The following TMEM71 variants were observed in gnomAD, a reference collection of about 807,000 sequenced individuals.
TMEM71 encodes transmembrane protein 71.
TMEM71 carries 44 observed loss-of-function variants against 38.0 expected under a neutral mutation model. That is an observed-to-expected ratio of 1.16 (90% CI 0.91 to 1.49). The LOEUF (loss-of-function observed/expected upper bound fraction) is 1.49. Among genes scored for constraint, TMEM71 ranks in the 40% most tolerant of loss-of-function variants. The probability of loss-of-function intolerance (pLI) is 0.00; values close to 1 mark genes in which losing one functional copy is unlikely to be tolerated. For synonymous variants in TMEM71, 133 were observed against 122.5 expected, an observed-to-expected ratio of 1.09 and a Z score of -0.56; for missense variants, 367 against 348.6, an observed-to-expected ratio of 1.05 and a Z score of -0.42.
chr8:132,734,723 A>T (rs1385209920), intron 5 of TMEM71, among the ~76,000 whole-genome samples: 1 of 152,256 alleles, frequency 6.6e-6, no homozygotes, highest in Non-Finnish European at 1.5e-5. Flanking sequence ...CCTAATTGAC[A>T]GTGAATTTTC....
intron 7 of TMEM71, among the ~76,000 whole-genome samples, chr8:132,717,240 G>A (rs1250970549): frequency 6.6e-6 from 1 of 152,076 alleles, no homozygotes; most frequent in African/African-American, 2.4e-5. Flanking sequence ...TAGAGAAGTT[G>A]GGCTACATCA....
At chr8:132,769,531 G>A in the TMEM71 span, among the ~76,000 whole-genome samples, 6 of 152,140 alleles carry the variant, frequency 3.9e-5, no homozygotes, top group Admixed American at 3.3e-4. Flanking sequence ...TTAATATACT[G>A]AAGCCCTAAT....
intron 7 of TMEM71, among the ~76,000 whole-genome samples, chr8:132,718,190 T>C (rs1252470379): frequency 6.6e-6 from 1 of 152,212 alleles, no homozygotes; most frequent in South Asian, 2.1e-4. Flanking sequence ...TTTGTAAATA[T>C]ACTAAAACCA....
chr8:132,763,600 C>T (rs1044114132), upstream of TMEM71, among the ~76,000 whole-genome samples: 14 of 152,172 alleles, frequency 9.2e-5, no homozygotes, highest in African/African-American at 3.1e-4. Flanking sequence ...ACTATAGAAT[C>T]TTTTAAATGA....
In TMEM71 at chr8:132,721,736, A is replaced by G. The variant is rs1309590324; in HGVS notation, c.752+304T>C. Among the ~76,000 whole-genome samples, 3 of 151,254 alleles carry G rather than the reference A, an allele frequency of 2.0e-5. No homozygotes were observed. In the East Asian group the frequency reaches 5.8e-4, roughly 29 times the overall value. On this transcript the variant is annotated intron_variant, in intron 7 of 9. Transcript: ENST00000677595. ...TAATTTCATACTTTTAATTTTCACC[A>G]TGTTGGTCAGGCTGGTCTCGAACTG... is the stretch of plus-strand genomic sequence containing the variant.
chr8:132,734,703 A>T (rs1827649486), intron 5 of TMEM71, among the ~76,000 whole-genome samples: 1 of 152,154 alleles, frequency 6.6e-6, no homozygotes, highest in South Asian at 2.1e-4. Flanking sequence ...TTTAACCCAA[A>T]CTCACTTTCC....
At chr8:132,737,176 C>T (rs1382124868) in intron 5 of TMEM71, among the ~76,000 whole-genome samples, 4 of 152,076 alleles carry the variant, frequency 2.6e-5, no homozygotes, top group Non-Finnish European at 5.9e-5. Context: ...GGAAAGCAGT[C>T]GTGATTGCAT....
chr8:132,726,558 T>C (rs1827152791), intron 6 of TMEM71, among the ~76,000 whole-genome samples: 1 of 152,176 alleles, frequency 6.6e-6, no homozygotes, highest in African/African-American at 2.4e-5. Flanking sequence ...GAGATAAAAA[T>C]GAAGTTTGAG....
chr8:132,710,933 G>A lies in TMEM71; in HGVS notation c.*34C>T. 2 of 1,600,080 alleles carry A rather than the reference G, an allele frequency of 1.2e-6. No individual in the cohort carries two copies. The highest frequency in any genetic ancestry group is 1.7e-6 in the Non-Finnish European group (2 of 1,168,630). ...TGGACAATTTCCAGATATTCAGATG[G>A]AGGACATTCATCGAAGGCATTCCTA... On this transcript the variant is annotated 3_prime_UTR_variant, in exon 10 of 10. Coordinates refer to ENST00000677595, the MANE Select transcript of TMEM71 (RefSeq NM_001382403.1).
intron 3 of TMEM71, among the ~76,000 whole-genome samples, chr8:132,754,047 T>A (rs1351806264): frequency 6.6e-6 from 1 of 152,216 alleles, no homozygotes; most frequent in Non-Finnish European, 1.5e-5. Flanking sequence ...TATCATAGTT[T>A]GATGGCTTTT....
chr8:132,727,654 C>T (rs982854428), intron 6 of TMEM71, 144 bp downstream of exon 6: 1 of 642,792 alleles, frequency 1.6e-6, no homozygotes, highest in East Asian at 2.9e-5. Context: ...GTCACCTGGG[C>T]TTTGGCAGAG....
intron 5 of TMEM71, among the ~76,000 whole-genome samples, chr8:132,729,621 G>A (rs1238420650): frequency 6.6e-6 from 1 of 152,170 alleles, no homozygotes; most frequent in African/African-American, 2.4e-5. Flanking sequence ...ATTCCCAAAG[G>A]CCAAGCCAGG....
rs533676596 is a variant in TMEM71 at position 132,758,873 on chromosome 8, G to A, written c.7C>T (p.Arg3Ter). The A allele has an allele frequency of 2.8e-4, 459 of 1,613,452 alleles. 5 individuals carry two copies. In the South Asian group the frequency reaches 4.6e-3, roughly 16 times the overall value. MY[R>*]ISQLMSTPVA... ...GGTGTTGACATCAGTTGAGATATTC[G>A]GTACATCTTGGGAAGGCCGCTTGCT... Residue 3 changes from arginine (R) to a stop codon, truncating the protein, a stop_gained, in exon 2 of 10, where the codon CGA becomes TGA. Coordinates refer to ENST00000677595, the MANE Select transcript of TMEM71 (RefSeq NM_001382403.1). LOFTEE classifies it high-confidence loss of function.
At chr8:132,712,251 A>C (rs1248546015) in intron 9 of TMEM71, among the ~76,000 whole-genome samples, 4 of 152,156 alleles carry the variant, frequency 2.6e-5, no homozygotes, top group Admixed American at 6.5e-5. Flanking sequence ...AGAGAAGAAC[A>C]AGTCAAAGTA....
chr8:132,768,198 T>G, the TMEM71 span, among the ~76,000 whole-genome samples: 1 of 152,172 alleles, frequency 6.6e-6, no homozygotes, highest in Non-Finnish European at 1.5e-5. Context: ...AGATTTTGGA[T>G]GCTTTGTCCT....
At chr8:132,744,046 C>G (rs1369102278) in intron 5 of TMEM71, among the ~76,000 whole-genome samples, 1 of 152,098 alleles carries the variant, frequency 6.6e-6, no homozygotes, top group East Asian at 1.9e-4. Context: ...GCACCTACCA[C>G]AATCATTATG....
At chr8:132,774,384 T>G in the TMEM71 span, among the ~76,000 whole-genome samples, 1 of 152,256 alleles carries the variant, frequency 6.6e-6, no homozygotes, top group Non-Finnish European at 1.5e-5. Flanking sequence ...ATCTTTTCTA[T>G]GTATCACCAT....
At chr8:132,711,091 C>T in intron 9 of TMEM71, 109 bp from the exon 10 acceptor site, 1 of 958,592 alleles carries the variant, frequency 1.0e-6, no homozygotes, top group Non-Finnish European at 1.6e-6. Context: ...CACACCCACA[C>T]CCATACCCAC....
chr8:132,747,059 T>A lies in TMEM71; in HGVS notation c.370A>T (p.Ser124Cys). Reference protein sequence around the residue: ...CHSFSSLFNLSTSKSWLHGSI... With the variant: ...CHSFSSLFNLCTSKSWLHGSI... ...CCATGCAGCCAAGATTTGGAGGTAC[T>A]GAGGTTGAAGAGAGAAGAAAAGGAA... Residue 124 changes from serine to cysteine, a missense_variant, in exon 5 of 10, where the codon AGT becomes TGT. By Grantham distance (112) the Ser-to-Cys change is moderately radical. Transcript: ENST00000677595. 1 of 1,613,618 alleles carries A rather than the reference T, an allele frequency of 6.2e-7. No individual in the cohort carries two copies. Among genetic ancestry groups the A allele is most frequent in the East Asian group, 2.2e-5 (1 of 44,848 alleles).
Sources: gnomAD v4.1 joint callset for allele counts (sites outside exome capture counted in the v4.1 genomes callset) on GRCh38, gnomAD v4.1.1 for gene constraint, MANE v1.5 for transcripts, NCBI Gene and HGNC (gene_info 2026-07-23, HGNC 2026-07-21) for gene names.